The following CADPS variants were observed in gnomAD, a reference collection of about 807,000 sequenced individuals.
CADPS encodes the protein calcium dependent secretion activator.
In CADPS, 57 loss-of-function variants were observed where a neutral mutation model predicts 167.3. The observed-to-expected ratio is 0.34, with a 90% CI of 0.28 to 0.42. The LOEUF (loss-of-function observed/expected upper bound fraction) is 0.42, where lower values mean the gene tolerates loss of function less well. CADPS is among the 20% of genes least tolerant of loss of function. The pLI is 1.00. For missense variants in CADPS, 1,414 were observed against 1,738.1 expected, an observed-to-expected ratio of 0.81 and a Z score of 3.32; for synonymous variants, 676 against 635.3, an observed-to-expected ratio of 1.06 and a Z score of -0.96.
At chr3:62,857,952 G>A (rs147188239) in intron 1 of CADPS, among the ~76,000 whole-genome samples, 2 of 152,238 alleles carry the variant, frequency 1.3e-5, no homozygotes, top group East Asian at 3.9e-4. Flanking sequence ...TATCTAGGGA[G>A]TTAGGAAGAA....
rs2059922233 is a variant in CADPS at position 62,601,247 on chromosome 3, A to G, written c.1326-8499T>C. Among the ~76,000 whole-genome samples, 3 of 152,230 alleles carry G rather than the reference A, an allele frequency of 2.0e-5. No homozygotes were observed. The highest frequency in any genetic ancestry group is 2.9e-5 in the Non-Finnish European group (2 of 68,038). ...ATATGAAATTCAAATTTTGATGCCCATCAATAACGTTTTATTAGAACATAG... is the reference window on the plus strand; with the variant it reads ...ATATGAAATTCAAATTTTGATGCCCGTCAATAACGTTTTATTAGAACATAG... On this transcript the variant is annotated intron_variant, in intron 6 of 29. Transcript: ENST00000383710. This position sits in a 1 kb window ranked among gnomAD's most constrained non-coding sequence, Gnocchi z 4.3.
intron 1 of CADPS, among the ~76,000 whole-genome samples, chr3:62,826,552 G>A (rs985979872): frequency 6.6e-6 from 1 of 152,116 alleles, no homozygotes; most frequent in South Asian, 2.1e-4. Flanking sequence ...GGCAGAAAGT[G>A]GTCTGGGAAA....
intron 28 of CADPS, among the ~76,000 whole-genome samples, chr3:62,432,040 T>A (rs2054083695): frequency 6.6e-6 from 1 of 151,988 alleles, no homozygotes; most frequent in Non-Finnish European, 1.5e-5. Context: ...TCCCTCCCTC[T>A]CTCTGCCCCC....
chr3:62,617,285 A>G (rs1156684116), intron 6 of CADPS, among the ~76,000 whole-genome samples: 1 of 152,176 alleles, frequency 6.6e-6, no homozygotes, highest in African/African-American at 2.4e-5. Context: ...TTGATGTGGT[A>G]GCAGGGATTT....
chr3:62,705,688 G>A (rs1387899832), intron 3 of CADPS, among the ~76,000 whole-genome samples: 3 of 152,120 alleles, frequency 2.0e-5, no homozygotes. Flanking sequence ...TGGACCCTAA[G>A]TTCTTCAGCT....
At chr3:62,660,634 C>T (rs2072968764) in intron 4 of CADPS, among the ~76,000 whole-genome samples, 2 of 152,142 alleles carry the variant, frequency 1.3e-5, no homozygotes, top group Non-Finnish European at 2.9e-5. Context: ...TCTGGAGACA[C>T]CTCTTTCCAT....
chr3:62,503,548 T>C (rs187455019), intron 17 of CADPS, among the ~76,000 whole-genome samples: 2 of 152,362 alleles, frequency 1.3e-5, no homozygotes, highest in African/African-American at 2.4e-5. Flanking sequence ...CTAGGAAATA[T>C]TCTTGCTCCC....
At chr3:62,583,850 T>G (rs1298893460) in intron 8 of CADPS, among the ~76,000 whole-genome samples, 1 of 152,120 alleles carries the variant, frequency 6.6e-6, no homozygotes, top group Admixed American at 6.5e-5. Context: ...TGCATGCTGC[T>G]GTGGTCTGCT....
intron 6 of CADPS, among the ~76,000 whole-genome samples, chr3:62,640,068 A>G (rs1229498107): frequency 1.3e-5 from 2 of 152,152 alleles, no homozygotes; most frequent in Non-Finnish European, 2.9e-5. Flanking sequence ...AAGGTTTGAG[A>G]TATGTTATTC....
chr3:62,725,047 A>G (rs2076486255), intron 3 of CADPS, among the ~76,000 whole-genome samples: 1 of 152,182 alleles, frequency 6.6e-6, no homozygotes, highest in Admixed American at 6.5e-5. Context: ...CTGTTGGAAG[A>G]CTTCCAGTTT....
chr3:62,419,841 G>C (rs984161166), intron 28 of CADPS, among the ~76,000 whole-genome samples: 1 of 152,144 alleles, frequency 6.6e-6, no homozygotes, highest in Non-Finnish European at 1.5e-5. Flanking sequence ...AGAACGGAAA[G>C]ATAAAGTGGA....
Position 62,767,841 on chromosome 3 carries a change from A to C in CADPS, c.442-1857T>G, listed in dbSNP as rs573206827. 3.3e-5 allele frequency among the ~76,000 whole-genome samples: 5 copies of C among 152,376 alleles called. No individual in the cohort carries two copies. The East Asian group carries it at 9.6e-4, about 29-fold the overall frequency. On this transcript the variant is annotated intron_variant, in intron 1 of 29. Transcript: ENST00000383710. Reference sequence around the variant, plus strand: ...AAATGAATTTTGATATACTTTACTTAACCCAATATAGCCAAAATAACGTTT... The same window carrying C: ...AAATGAATTTTGATATACTTTACTTCACCCAATATAGCCAAAATAACGTTT...
intron 17 of CADPS, among the ~76,000 whole-genome samples, chr3:62,503,359 G>A (rs182849879): frequency 4.6e-5 from 7 of 152,308 alleles, no homozygotes; most frequent in African/African-American, 1.7e-4. Context: ...TAAATTGAGA[G>A]TATCTTTTCT....
intron 3 of CADPS, among the ~76,000 whole-genome samples, chr3:62,699,564 T>C (rs2081011137): frequency 6.6e-6 from 1 of 150,668 alleles, no homozygotes; most frequent in African/African-American, 2.4e-5. Context: ...TGATGACCTG[T>C]TTTTGTAAAG....
At chr3:62,589,127 C>T (rs2085344779) in intron 7 of CADPS, among the ~76,000 whole-genome samples, 1 of 152,084 alleles carries the variant, frequency 6.6e-6, no homozygotes, top group African/African-American at 2.4e-5. Context: ...AAGAAACAAA[C>T]CAAAAAGTGG....
chr3:62,590,189 A>C (rs564877836), intron 7 of CADPS, among the ~76,000 whole-genome samples: 2 of 52,688 alleles, frequency 3.8e-5, no homozygotes, highest in East Asian at 3.2e-3. Context: ...ACTCCAGCTA[A>C]AGAAAAAAAA....
intron 4 of CADPS, among the ~76,000 whole-genome samples, chr3:62,659,194 T>C (rs2072524381): frequency 6.6e-6 from 1 of 152,130 alleles, no homozygotes; most frequent in South Asian, 2.1e-4. Context: ...GCCATATGGG[T>C]TGAATTGCAC....
rs1277205590 is a variant in CADPS, at chr3:62,875,101, G to A, written c.-72C>T. Reference sequence around the variant, plus strand: ...CAAAAGGTGGGGGGCGCTGGAGGCAGCCGGGGATCAGCTCTCCCGGGTGGG... The same window carrying A: ...CAAAAGGTGGGGGGCGCTGGAGGCAACCGGGGATCAGCTCTCCCGGGTGGG... On this transcript the variant is annotated 5_prime_UTR_variant, in exon 1 of 30. Transcript: ENST00000383710. The A allele has an allele frequency of 9.0e-6, 13 of 1,449,820 alleles. No homozygotes were observed. The Admixed American group carries it at 2.4e-4, about 26-fold the overall frequency. The allele number at this position is 1,449,820 out of a possible 1,614,324, so 89.8% of individuals were successfully genotyped here.
At chr3:62,695,759 C>CAGG (rs757731107) in intron 3 of CADPS, among the ~76,000 whole-genome samples, 1 of 152,074 alleles carries the variant, frequency 6.6e-6, no homozygotes, top group Non-Finnish European at 1.5e-5. Flanking sequence ...CATCCTTGAC[C>CAGG]TCCTGGGCTC....
Sources: gnomAD v4.1 joint callset for allele counts (sites outside exome capture counted in the v4.1 genomes callset) on GRCh38, gnomAD v4.1.1 for gene constraint, Gnocchi (gnomAD v3.1) non-coding constraint, MANE v1.5 for transcripts, NCBI Gene and HGNC (gene_info 2026-07-23, HGNC 2026-07-21) for gene names.